The following OR4K2 variants were observed in gnomAD, a reference collection of about 807,000 sequenced individuals.
OR4K2 encodes the protein olfactory receptor family 4 subfamily K member 2, also known as olfactory receptor 4K2.
OR4K2 carries 8 observed loss-of-function variants against 10.5 expected under a neutral mutation model. That is an observed-to-expected ratio of 0.76 (90% CI 0.45 to 1.37). The LOEUF (loss-of-function observed/expected upper bound fraction) is 1.37, where lower values mean the gene tolerates loss of function less well. Ranked by LOEUF, OR4K2 falls within the 40% of genes most tolerant of loss-of-function variation. OR4K2 has a pLI of 0.00. For missense variants in OR4K2, 547 were observed against 379.5 expected, an observed-to-expected ratio of 1.44 and a Z score of -3.67; for synonymous variants, 178 against 133.6, an observed-to-expected ratio of 1.33 and a Z score of -2.29.
In OR4K2 at chr14:19,883,580, G is replaced by A. The variant is rs563970773; in HGVS notation, c.*6368G>A. ...TGGAACTGATCTTTTAATTTTTGGA[G>A]GGAGGTATTAATAATCCTTCTGATA... is the stretch of plus-strand genomic sequence containing the variant. On this transcript the variant is annotated 3_prime_UTR_variant, in exon 2 of 2. Coordinates refer to ENST00000641885, the MANE Select transcript of OR4K2 (RefSeq NM_001005501.2). The A allele has an allele frequency of 1.3e-5, 2 of 152,344 alleles. No homozygotes were observed. The highest frequency in any genetic ancestry group is 4.1e-4 in the South Asian group (2 of 4,830). 9.4% of individuals were successfully genotyped at this position (152,344 alleles called of 1,614,324 possible).
chr14:19,880,915 G>A lies in OR4K2; in HGVS notation c.*3703G>A, dbSNP rs1469063145. 6.6e-6 allele frequency: 1 copy of A among 152,228 alleles called. No homozygotes were observed. Among genetic ancestry groups the A allele is most frequent in the Non-Finnish European group, 1.5e-5 (1 of 68,038 alleles). 9.4% of individuals were successfully genotyped at this position (152,228 alleles called of 1,614,324 possible). A position where few individuals can be genotyped will look rare whatever the true frequency, so the allele number is the denominator to read the frequency against. ...GCTGTCTTATGTGAAGTATTTTTCT[G>A]CATTGATAAGGGTTTAGGATAATGT... is the stretch of plus-strand genomic sequence containing the variant. On this transcript the variant is annotated 3_prime_UTR_variant, in exon 2 of 2. Transcript: ENST00000641885.
In OR4K2 at chr14:19,878,666, T is replaced by C. The variant is rs1880969519; in HGVS notation, c.*1454T>C. 2 of 152,230 alleles carry C rather than the reference T, an allele frequency of 1.3e-5. No individual in the cohort carries two copies. The allele number at this position is 152,230 out of a possible 1,614,324, so 9.4% of individuals were successfully genotyped here. On this transcript the variant is annotated 3_prime_UTR_variant, in exon 2 of 2. Transcript: ENST00000641885. ...TACAGCTTGAAAGTCTGTGATACTG[T>C]GTTTAAAGCCTGAGCAGTTTTGAAA...
Position 19,876,567 on chromosome 14 carries a change from G to C in OR4K2, c.300G>C (p.Gln100His). The change falls in exon 2 of 2, where the codon CAG (glutamine) becomes CAC (histidine). Residue 100 changes from glutamine (Q) to histidine (H), a missense_variant. Physicochemically the swap from Gln to His is conservative, Grantham distance 24. Coordinates refer to ENST00000641885, the MANE Select transcript of OR4K2 (RefSeq NM_001005501.2). ...KTISFDGCLT[Q>H]IFFLHLFTGT... ...TCTCTTTTGATGGCTGCCTTACCCA[G>C]ATATTCTTTCTCCACCTTTTCACTG... is the stretch of plus-strand genomic sequence containing the variant. 6.2e-7 allele frequency: 1 copy of C among 1,614,200 alleles called. No individual in the cohort carries two copies. Among genetic ancestry groups the C allele is most frequent in the Non-Finnish European group, 8.5e-7 (1 of 1,180,026 alleles).
rs963182650 is a variant in OR4K2, at chr14:19,877,423, C to G, written c.*211C>G. ...AAGACTATAAAAATGTCAGGAGTGACAGTTCCAGTTAGGACATTCAATATC... is the reference window on the plus strand; with the variant it reads ...AAGACTATAAAAATGTCAGGAGTGAGAGTTCCAGTTAGGACATTCAATATC... On this transcript the variant is annotated 3_prime_UTR_variant, in exon 2 of 2. Coordinates refer to ENST00000641885, the MANE Select transcript of OR4K2 (RefSeq NM_001005501.2). The G allele has an allele frequency of 4.3e-6, 2 of 463,988 alleles. No individual in the cohort carries two copies. The highest frequency in any genetic ancestry group is 7.7e-6 in the Non-Finnish European group (2 of 259,982). 28.7% of individuals were successfully genotyped at this position (463,988 alleles called of 1,614,324 possible).
In OR4K2 at chr14:19,876,417, A is replaced by T. The variant is rs770083864; in HGVS notation, c.150A>T (p.Ile50=). 12 of 1,613,966 alleles carry T rather than the reference A, an allele frequency of 7.4e-6. No homozygotes were observed. Among genetic ancestry groups the T allele is most frequent in the Admixed American group, 3.3e-5 (2 of 60,008 alleles). Residue 50 remains isoleucine, a synonymous_variant, in exon 2 of 2, where the codon ATA becomes ATT. Transcript: ENST00000641885. ...VGNSLIVITV[I]VDPHLHSPMY... The stretch of plus-strand genomic sequence containing the variant: ...ACAGCCTCATAGTCATCACAGTTAT[A>T]GTGGACCCTCACCTACACTCTCCTA...
rs1281403538 is a variant in OR4K2, at chr14:19,882,757, G to A, written c.*5545G>A. ...CTCACCAACTTTGTTTCCTTTTCTT[G>A]TAGCCTACAAGTCTCACTATCACTA... On this transcript the variant is annotated 3_prime_UTR_variant, in exon 2 of 2. Coordinates refer to ENST00000641885, the MANE Select transcript of OR4K2 (RefSeq NM_001005501.2). 1 of 151,080 alleles carries A rather than the reference G, an allele frequency of 6.6e-6. No individual in the cohort carries two copies. The highest frequency in any genetic ancestry group is 1.5e-5 in the Non-Finnish European group (1 of 67,986). 9.4% of individuals were successfully genotyped at this position (151,080 alleles called of 1,614,324 possible). A position where few individuals can be genotyped will look rare whatever the true frequency, so the allele number is the denominator to read the frequency against.
At position 19,875,772 on chromosome 14, in the gene OR4K2, A is replaced by G. The variant is rs1225137046; in HGVS notation, c.-386A>G. The G allele has an allele frequency of 6.5e-6, 1 of 153,700 alleles. No homozygotes were observed. The highest frequency in any genetic ancestry group is 1.4e-5 in the Non-Finnish European group (1 of 69,116). 9.5% of individuals were successfully genotyped at this position (153,700 alleles called of 1,614,324 possible). On this transcript the variant is annotated 5_prime_UTR_variant, in exon 1 of 2. Transcript: ENST00000641885. The stretch of plus-strand genomic sequence containing the variant: ...CTCTACAACTGTCCATCGAAACTTC[A>G]CTATAATGTGCTTAAGAGCCCTTAT...
At position 19,876,430 on chromosome 14, in the gene OR4K2, CT is replaced by C; in HGVS notation, c.164del (p.Leu55HisfsTer27). 1 of 1,614,134 alleles carries C rather than the reference CT, an allele frequency of 6.2e-7. No homozygotes were observed. ...IVITVIVDPH[L>X]HSPMYFLLTN... ...CATCACAGTTATAGTGGACCCTCAC[CT>C]ACACTCTCCTATGTATTTCCTGCTT... On this transcript the variant is annotated frameshift_variant, in exon 2 of 2. Coordinates refer to ENST00000641885, the MANE Select transcript of OR4K2 (RefSeq NM_001005501.2). LOFTEE classifies it high-confidence loss of function.
At position 19,876,889 on chromosome 14, in the gene OR4K2, T is replaced by C; in HGVS notation, c.622T>C (p.Leu208=). The change falls in exon 2 of 2, where the codon TTG becomes CTG. Residue 208 remains leucine (L), a synonymous_variant. Transcript: ENST00000641885. ...FMISTSGIIA[L]SCFIVLFNSY... ...GATCTCAACAAGTGGCATAATTGCG[T>C]TGTCCTGTTTTATTGTTTTATTTAA... is the stretch of plus-strand genomic sequence containing the variant. The C allele has an allele frequency of 6.2e-7, 1 of 1,614,182 alleles. No individual in the cohort carries two copies.
At chr14:19,876,185 A>ATCTTTTGC in intron 1 of OR4K2, 51 bp downstream of exon 1, 1 of 1,131,488 alleles carries the variant, frequency 8.8e-7, no homozygotes, top group Non-Finnish European at 1.3e-6. Context: ...TTGGAAATGA[A>ATCTTTTGC]TCTTTTGCTT....
chr14:19,876,241 A>G lies in OR4K2; in HGVS notation c.-23-4A>G, dbSNP rs781229091. The G allele has an allele frequency of 9.0e-7, 1 of 1,115,052 alleles. No individual in the cohort carries two copies. The highest frequency in any genetic ancestry group is 2.8e-5 in the East Asian group (1 of 36,358). The allele number at this position is 1,115,052 out of a possible 1,614,324, so 69.1% of individuals were successfully genotyped here. ...TTTTTTTTTTTTTTTTTTTCGTGATACAGGCTTCTGCCTATGAATCAAGAC... is the reference window on the plus strand; with the variant it reads ...TTTTTTTTTTTTTTTTTTTCGTGATGCAGGCTTCTGCCTATGAATCAAGAC... On this transcript the variant is annotated splice_polypyrimidine_tract_variant and splice_region_variant and intron_variant, in intron 1 of 1. Transcript: ENST00000641885.
At chr14:19,876,202 A>C in intron 1 of OR4K2, 43 bp from the exon 2 acceptor site, 2 of 1,267,320 alleles carry the variant, frequency 1.6e-6, no homozygotes, top group Non-Finnish European at 2.2e-6. Context: ...GCTTCTATTG[A>C]ATCTGACTTT....
In OR4K2 at chr14:19,883,924, A is replaced by T. The variant is rs1245836558; in HGVS notation, c.*6712A>T. On this transcript the variant is annotated 3_prime_UTR_variant, in exon 2 of 2. Transcript: ENST00000641885. ...TCACATTTCACACATGGAGAAAAAA[A>T]GTCTGCACTTATAAAGCAATTATGC... is the stretch of plus-strand genomic sequence containing the variant. 6.6e-6 allele frequency: 1 copy of T among 152,274 alleles called. No homozygotes were observed. Among genetic ancestry groups the T allele is most frequent in the Non-Finnish European group, 1.5e-5 (1 of 68,048 alleles). The allele number at this position is 152,274 out of a possible 1,614,324, so 9.4% of individuals were successfully genotyped here. A position where few individuals can be genotyped will look rare whatever the true frequency, so the allele number is the denominator to read the frequency against.
chr14:19,882,612 A>C lies in OR4K2; in HGVS notation c.*5400A>C, dbSNP rs1881064441. ...GAAGTCCTCAAGTTTGTTCATCTCG[A>C]TGACAACTCTCTCCTCCAAAATTAA... On this transcript the variant is annotated 3_prime_UTR_variant, in exon 2 of 2. Coordinates refer to ENST00000641885, the MANE Select transcript of OR4K2 (RefSeq NM_001005501.2). The C allele has an allele frequency of 1.3e-5, 2 of 152,274 alleles. No homozygotes were observed. Among genetic ancestry groups the C allele is most frequent in the Admixed American group, 1.3e-4 (2 of 15,278 alleles). 9.4% of individuals were successfully genotyped at this position (152,274 alleles called of 1,614,324 possible).
In OR4K2 at chr14:19,877,216, T is replaced by C. The variant is rs2138530880; in HGVS notation, c.*4T>C. ...TAATAAGGCAATGCCTTCATAGTTT[T>C]TGTGACACAGAACATTAGACACAAT... On this transcript the variant is annotated 3_prime_UTR_variant, in exon 2 of 2. Coordinates refer to ENST00000641885, the MANE Select transcript of OR4K2 (RefSeq NM_001005501.2). The C allele has an allele frequency of 6.5e-7, 1 of 1,543,862 alleles. No homozygotes were observed. Among genetic ancestry groups the C allele is most frequent in the Middle Eastern group, 1.7e-4 (1 of 5,878 alleles).
In OR4K2 at chr14:19,878,865, C is replaced by T. The variant is rs1168570659; in HGVS notation, c.*1653C>T. ...CAAATATGTTCATATTCAAGGACTTCGTTTATGTAGAATGTTTTAGCTGGT... is the reference window on the plus strand; with the variant it reads ...CAAATATGTTCATATTCAAGGACTTTGTTTATGTAGAATGTTTTAGCTGGT... On this transcript the variant is annotated 3_prime_UTR_variant, in exon 2 of 2. Coordinates refer to ENST00000641885, the MANE Select transcript of OR4K2 (RefSeq NM_001005501.2). 1.3e-5 allele frequency: 2 copies of T among 152,194 alleles called. No individual in the cohort carries two copies. The highest frequency in any genetic ancestry group is 6.5e-5 in the Admixed American group (1 of 15,270). 9.4% of individuals were successfully genotyped at this position (152,194 alleles called of 1,614,324 possible).
In OR4K2 at chr14:19,876,204, T is replaced by C. The variant is rs979611389; in HGVS notation, c.-23-41T>C. On this transcript the variant is annotated intron_variant, in intron 1 of 1. Coordinates refer to ENST00000641885, the MANE Select transcript of OR4K2 (RefSeq NM_001005501.2). ...AAATGAATCTTTTGCTTCTATTGAA[T>C]CTGACTTTCCTTTTTTTTTTTTTTT... 14 of 1,283,548 alleles carry C rather than the reference T, an allele frequency of 1.1e-5. No individual in the cohort carries two copies. The South Asian group carries it at 1.9e-4, about 17-fold the overall frequency. The allele number at this position is 1,283,548 out of a possible 1,614,324, so 79.5% of individuals were successfully genotyped here.
In OR4K2 at chr14:19,877,248, T is replaced by TTA. The variant is rs760769980; in HGVS notation, c.*37_*38dup. Reference sequence around the variant, plus strand: ...ACAGAACATTAGACACAATGCTGTGTTAGGCTTTTCTTTCTAGAGGGTTCT... The same window carrying TTA: ...ACAGAACATTAGACACAATGCTGTGTTATAGGCTTTTCTTTCTAGAGGGTTCT... On this transcript the variant is annotated 3_prime_UTR_variant, in exon 2 of 2. Transcript: ENST00000641885. The TTA allele has an allele frequency of 7.9e-6, 11 of 1,400,222 alleles. No homozygotes were observed. The highest frequency in any genetic ancestry group is 1.4e-5 in the African/African-American group (1 of 69,714). 86.7% of individuals were successfully genotyped at this position (1,400,222 alleles called of 1,614,324 possible). A position where few individuals can be genotyped will look rare whatever the true frequency, so the allele number is the denominator to read the frequency against.
At position 19,883,537 on chromosome 14, in the gene OR4K2, A is replaced by G. The variant is rs1881089919; in HGVS notation, c.*6325A>G. On this transcript the variant is annotated 3_prime_UTR_variant, in exon 2 of 2. Coordinates refer to ENST00000641885, the MANE Select transcript of OR4K2 (RefSeq NM_001005501.2). The stretch of plus-strand genomic sequence containing the variant: ...TATTTTTCTTCACTCACCCTAGCAT[A>G]CCATATAATTAGAAGTTTGGAACTG... 6.6e-6 allele frequency: 1 copy of G among 152,240 alleles called. No homozygotes were observed. Among genetic ancestry groups the G allele is most frequent in the African/African-American group, 2.4e-5 (1 of 41,468 alleles). The allele number at this position is 152,240 out of a possible 1,614,324, so 9.4% of individuals were successfully genotyped here.
Sources: allele counts gnomAD v4.1 joint callset, GRCh38; gene constraint gnomAD v4.1.1; transcripts MANE v1.5; gene names NCBI Gene and HGNC (gene_info 2026-07-23, HGNC 2026-07-21).